The following SLC2A13 variants were observed in gnomAD, a reference collection of about 807,000 sequenced individuals.
SLC2A13 encodes solute carrier family 2 member 13.
In SLC2A13, 32 loss-of-function variants were observed where a neutral mutation model predicts 64.4. That is an observed-to-expected ratio of 0.50 (90% CI 0.37 to 0.67). The LOEUF is 0.67. SLC2A13 is among the 30% of genes least tolerant of loss of function. The probability of loss-of-function intolerance (pLI) is 0.00; values close to 1 mark genes in which losing one functional copy is unlikely to be tolerated. For synonymous variants in SLC2A13, 338 were observed against 327.1 expected (o/e 1.03, Z -0.36); for missense variants, 743 against 829.2 (o/e 0.90, Z 1.28).
At chr12:40,060,033 G>T (rs1429234096) in intron 1 of SLC2A13, among the ~76,000 whole-genome samples, 1 of 152,100 alleles carries the variant, frequency 6.6e-6, no homozygotes, top group Non-Finnish European at 1.5e-5. Flanking sequence ...AAGGTCTATG[G>T]GAGTTGTAAG....
At position 40,028,586 on chromosome 12, in the gene SLC2A13, T is replaced by A. The variant is rs141586543; in HGVS notation, c.717-77A>T. On this transcript the variant is annotated intron_variant, in intron 2 of 9. Transcript: ENST00000280871. ...GTGCTCACCACATACTTTTGTGTTG[T>A]GTTGACAACAATAATACTTACTGTG... 33 of 1,413,514 alleles carry A rather than the reference T, an allele frequency of 2.3e-5. No homozygotes were observed. The African/African-American group carries it at 3.3e-4, about 14-fold the overall frequency. The allele number at this position is 1,413,514 out of a possible 1,614,324, so 87.6% of individuals were successfully genotyped here. A position where few individuals can be genotyped will look rare whatever the true frequency, so the allele number is the denominator to read the frequency against.
rs1939299263 is a variant in SLC2A13 at position 40,106,005 on chromosome 12, G to A, written c.-197C>T. The A allele has an allele frequency of 5.3e-6, 3 of 568,590 alleles. No individual in the cohort carries two copies. Among genetic ancestry groups the A allele is most frequent in the East Asian group, 3.7e-5 (1 of 27,012 alleles). 35.2% of individuals were successfully genotyped at this position (568,590 alleles called of 1,614,324 possible). On this transcript the variant is annotated 5_prime_UTR_variant, in exon 1 of 10. Transcript: ENST00000280871. Reference sequence around the variant, plus strand: ...AAGTTGCTGCCCGCCGCGCTCCGACGCTGCGGAGTTGGAGCCCGGCGGGTC... The same window carrying A: ...AAGTTGCTGCCCGCCGCGCTCCGACACTGCGGAGTTGGAGCCCGGCGGGTC...
At chr12:39,897,423 T>C (rs185868867) in intron 4 of SLC2A13, among the ~76,000 whole-genome samples, 20 of 152,340 alleles carry the variant, frequency 1.3e-4, no homozygotes, top group South Asian at 4.1e-4. Flanking sequence ...AGAAAAAAGA[T>C]GCAGCTATTC....
chr12:39,966,042 C>CAT (rs138965998), intron 3 of SLC2A13, among the ~76,000 whole-genome samples: 1,609 of 150,494 alleles, frequency 0.011, 22 homozygotes, highest in African/African-American at 0.037. Context: ...ATCTTTTTTT[C>CAT]ATATATATAT....
At chr12:39,948,197 A>G (rs577325174) in intron 4 of SLC2A13, among the ~76,000 whole-genome samples, 1 of 152,196 alleles carries the variant, frequency 6.6e-6, no homozygotes, top group African/African-American at 2.4e-5. Flanking sequence ...ATTATAAAAA[A>G]AAATTGCCTC....
intron 2 of SLC2A13, among the ~76,000 whole-genome samples, chr12:40,035,133 T>G (rs1394108180): frequency 6.6e-6 from 1 of 152,210 alleles, no homozygotes; most frequent in Non-Finnish European, 1.5e-5. Context: ...CAATGAATTT[T>G]GAATTTTTCA....
At chr12:39,947,214 A>C (rs1946151051) in intron 4 of SLC2A13, among the ~76,000 whole-genome samples, 1 of 152,196 alleles carries the variant, frequency 6.6e-6, no homozygotes, top group Admixed American at 6.5e-5. Context: ...GCCCCAGAGA[A>C]GATTCCCCCA....
intron 3 of SLC2A13, among the ~76,000 whole-genome samples, chr12:40,018,426 A>G (rs1947656083): frequency 2.0e-5 from 3 of 152,228 alleles, no homozygotes; most frequent in Non-Finnish European, 1.5e-5. Flanking sequence ...TATAATTAAA[A>G]GATCACCATT....
intron 6 of SLC2A13, among the ~76,000 whole-genome samples, chr12:39,848,368 T>C (rs1943376278): frequency 6.6e-6 from 1 of 152,120 alleles, no homozygotes; most frequent in African/African-American, 2.4e-5. Context: ...ACAAAGGACA[T>C]GAACAGACAC....
At chr12:39,923,692 ACG>A (rs552926927) in intron 4 of SLC2A13, among the ~76,000 whole-genome samples, 11,674 of 101,326 alleles carry the variant, frequency 0.12, 591 homozygotes, top group South Asian at 0.18. Flanking sequence ...ATATATGCGC[ACG>A]CGCACACACA....
At chr12:40,086,438 T>C (rs1024993623) in intron 1 of SLC2A13, among the ~76,000 whole-genome samples, 1 of 152,130 alleles carries the variant, frequency 6.6e-6, no homozygotes, top group African/African-American at 2.4e-5. Flanking sequence ...TAACCAGCTG[T>C]TAAGAAAAAC....
chr12:39,760,202 A>G lies in SLC2A13; in HGVS notation c.1771T>C (p.Tyr591His). ...GFAAVGLLFI[Y>H]GCLPETKGKK... ...CCTTTGGTCTCAGGAAGACAGCCATAGATGAAAAGGAGTCCCACAGCAGCA... is the reference window on the plus strand; with the variant it reads ...CCTTTGGTCTCAGGAAGACAGCCATGGATGAAAAGGAGTCCCACAGCAGCA... Residue 591 changes from tyrosine to histidine, a missense_variant, in exon 10 of 10, where the codon TAT becomes CAT. Physicochemically the swap from Tyr to His is moderately conservative, Grantham distance 83. Around this residue, in one of 2 missense-constraint regions of SLC2A13, gnomAD observed 295 missense variants for 381.7 expected, o/e 0.77. Coordinates refer to ENST00000280871, the MANE Select transcript of SLC2A13 (RefSeq NM_052885.4). 1 of 1,612,850 alleles carries G rather than the reference A, an allele frequency of 6.2e-7. No individual in the cohort carries two copies. The highest frequency in any genetic ancestry group is 8.5e-7 in the Non-Finnish European group (1 of 1,179,290).
chr12:39,947,900 T>G (rs919542035), intron 4 of SLC2A13, among the ~76,000 whole-genome samples: 1 of 152,150 alleles, frequency 6.6e-6, no homozygotes, highest in Non-Finnish European at 1.5e-5. Flanking sequence ...GACTTCATGA[T>G]CTGCCCACCT....
intron 4 of SLC2A13, among the ~76,000 whole-genome samples, chr12:39,935,531 T>G (rs1461004066): frequency 6.6e-6 from 1 of 152,182 alleles, no homozygotes; most frequent in Non-Finnish European, 1.5e-5. Context: ...GTAACTAAAA[T>G]CTAGCTGGTT....
At chr12:40,025,346 T>C (rs966068719) in intron 3 of SLC2A13, among the ~76,000 whole-genome samples, 1 of 152,194 alleles carries the variant, frequency 6.6e-6, no homozygotes, top group African/African-American at 2.4e-5. Flanking sequence ...AATAAATTAA[T>C]GTAGCCAATA....
intron 3 of SLC2A13, among the ~76,000 whole-genome samples, chr12:40,023,245 CCTGCCTTA>C (rs1947752486): frequency 6.6e-6 from 1 of 152,148 alleles, no homozygotes; most frequent in East Asian, 1.9e-4. Context: ...GCACAATGAT[CCTGCCTTA>C]AGCATCCAAT....
At chr12:39,801,296 T>C (rs1331948891) in intron 7 of SLC2A13, among the ~76,000 whole-genome samples, 1 of 144,320 alleles carries the variant, frequency 6.9e-6, no homozygotes, top group Non-Finnish European at 1.5e-5. Context: ...TTTATAATAG[T>C]GTTTCACTTG....
intron 6 of SLC2A13, among the ~76,000 whole-genome samples, chr12:39,850,214 C>T (rs1380462223): frequency 2.6e-5 from 4 of 152,138 alleles, no homozygotes; most frequent in African/African-American, 4.8e-5. Flanking sequence ...GGAGTTAGTA[C>T]TTTAATGCAT....
intron 3 of SLC2A13, among the ~76,000 whole-genome samples, chr12:40,000,362 G>A (rs976637978): frequency 6.6e-6 from 1 of 152,144 alleles, no homozygotes; most frequent in Non-Finnish European, 1.5e-5. Context: ...TATAATCTGT[G>A]AACCTCTACC....
Sources: allele counts gnomAD v4.1 joint callset (sites outside exome capture counted in the v4.1 genomes callset), GRCh38; gene constraint gnomAD v4.1.1; regional missense constraint gnomAD v4.1.1; transcripts MANE v1.5; gene names NCBI Gene and HGNC (gene_info 2026-07-23, HGNC 2026-07-21).